Variants in LRRFIP1 observed in about 807,000 individuals in gnomAD.
LRRFIP1 encodes LRR binding FLII interacting protein 1, also known as leucine-rich repeat flightless-interacting protein 1.
A neutral mutation model predicts 104.4 loss-of-function variants in LRRFIP1; 62 were observed. The ratio of observed to expected loss-of-function variants is 0.59; its 90% CI spans 0.48 to 0.73. The LOEUF (loss-of-function observed/expected upper bound fraction) is 0.73, where lower values mean the gene tolerates loss of function less well. Among genes scored for constraint, LRRFIP1 ranks in the 30% least tolerant of loss-of-function variants. The probability of loss-of-function intolerance (pLI) is 0.00; values close to 1 mark genes in which losing one functional copy is unlikely to be tolerated. For synonymous variants in LRRFIP1, 300 were observed against 299.0 expected (o/e 1.00, Z -0.03); for missense variants, 796 against 824.5 (o/e 0.97, Z 0.42).
At position 237,649,696 on chromosome 2, in the gene LRRFIP1, G is replaced by C. The variant is rs1300139830; in HGVS notation, c.96+21956G>C. ...TTCACATGTCACATTTCTCACCGGA[G>C]TCCTCGTCCCATCGCCTCCTCTCTC... On this transcript the variant is annotated intron_variant, in intron 1 of 23. Coordinates refer to ENST00000308482, the MANE Select transcript of LRRFIP1 (RefSeq NM_001137550.2). This position sits in a 1 kb window ranked among gnomAD's most constrained non-coding sequence, Gnocchi z 4.1. 7.9e-5 allele frequency among the ~76,000 whole-genome samples: 12 copies of C among 151,980 alleles called. No individual in the cohort carries two copies. Among genetic ancestry groups the C allele is most frequent in the African/African-American group, 2.9e-4 (12 of 41,444 alleles).
intron 19 of LRRFIP1, chr2:237,769,733 C>T (rs1350409029): frequency 1.5e-5 from 8 of 550,172 alleles, no homozygotes; most frequent in African/African-American, 3.8e-5. Flanking sequence ...CTGCCCCTGA[C>T]GTGAAGCATG....
chr2:237,723,429 A>G, intron 6 of LRRFIP1, 119 bp from the exon 7 acceptor site: 1 of 984,402 alleles, frequency 1.0e-6, no homozygotes, highest in Non-Finnish European at 1.6e-6. Context: ...TTATGGAAAA[A>G]TGCATTTTTG....
chr2:237,699,412 G>A (rs2093383649), intron 1 of LRRFIP1, among the ~76,000 whole-genome samples: 2 of 150,976 alleles, frequency 1.3e-5, no homozygotes, highest in Non-Finnish European at 2.9e-5. Context: ...GAGTGCAATG[G>A]TGAGATCTCG....
chr2:237,704,961 G>A (rs1460832466), intron 1 of LRRFIP1, among the ~76,000 whole-genome samples: 1 of 152,208 alleles, frequency 6.6e-6, no homozygotes, highest in African/African-American at 2.4e-5. Flanking sequence ...TGAGGGACAG[G>A]GTAAACCTGT....
rs769305422 is a variant in LRRFIP1, at chr2:237,739,282, G to A, written c.606G>A (p.Arg202=). Residue 202 remains arginine (R), a synonymous_variant, in exon 11 of 24, where the codon AGG becomes AGA. Transcript: ENST00000308482. The stretch of plus-strand genomic sequence containing the variant: ...ACTCCAGCTCCCGCGCCTCCTCCAG[G>A]GCCAGCTCGGCCCGGGCCAGCCCTG... ...HLNSSSRASS[R]ASSARASPVV... 1 of 1,562,876 alleles carries A rather than the reference G, an allele frequency of 6.4e-7. No homozygotes were observed. The highest frequency in any genetic ancestry group is 1.9e-5 in the Admixed American group (1 of 53,546).
Position 237,691,024 on chromosome 2 carries a change from C to T in LRRFIP1, c.97-17520C>T, listed in dbSNP as rs965831064. Among the ~76,000 whole-genome samples the T allele has an allele frequency of 2.6e-5, 4 of 151,738 alleles. No individual in the cohort carries two copies. The highest frequency in any genetic ancestry group is 4.4e-5 in the Non-Finnish European group (3 of 68,028). On this transcript the variant is annotated intron_variant, in intron 1 of 23. Coordinates refer to ENST00000308482, the MANE Select transcript of LRRFIP1 (RefSeq NM_001137550.2). This position sits in a 1 kb window ranked among gnomAD's most constrained non-coding sequence, Gnocchi z 5.4. ...GCACCCATTTTCCCTGCTGCACACC[C>T]TCCTGACAACTCCTGCCCTGAAGCC...
intron 1 of LRRFIP1, among the ~76,000 whole-genome samples, chr2:237,642,166 C>T (rs1321586616): frequency 6.6e-6 from 1 of 152,200 alleles, no homozygotes; most frequent in Non-Finnish European, 1.5e-5. Flanking sequence ...GTCTATGAGG[C>T]AATGCAGACA....
At chr2:237,676,057 A>G (rs1277469662) in intron 1 of LRRFIP1, among the ~76,000 whole-genome samples, 1 of 152,344 alleles carries the variant, frequency 6.6e-6, no homozygotes, top group East Asian at 1.9e-4. Flanking sequence ...TGTAGCCATC[A>G]CCATCATCCA....
At position 237,779,755 on chromosome 2, in the gene LRRFIP1, G is replaced by A. The variant is rs576673925; in HGVS notation, c.*223G>A. The A allele has an allele frequency of 3.3e-4, 145 of 433,204 alleles. No homozygotes were observed. The highest frequency in any genetic ancestry group is 5.5e-4 in the Non-Finnish European group (129 of 233,914). 26.8% of individuals were successfully genotyped at this position (433,204 alleles called of 1,614,324 possible). On this transcript the variant is annotated 3_prime_UTR_variant, in exon 24 of 24. Coordinates refer to ENST00000308482, the MANE Select transcript of LRRFIP1 (RefSeq NM_001137550.2). ...ACCCCTGGCCCGGGCTGGCGCCGAC[G>A]CTCAGAACCTGCAGGTACTTCATAA...
chr2:237,692,453 A>T (rs761488123), intron 1 of LRRFIP1: 10 of 1,521,672 alleles, frequency 6.6e-6, no homozygotes, highest in African/African-American at 1.4e-5. Context: ...CGAGCCCGGC[A>T]GGATGACCAG....
rs55710749 is a variant in LRRFIP1, at chr2:237,696,077, T to A, written c.97-12467T>A. ...GTTTCCAGTGGTTTCTCCTTGGGAT[T>A]GTAACTTTACAACTTTAAAACTAGG... On this transcript the variant is annotated intron_variant, in intron 1 of 23. Coordinates refer to ENST00000308482, the MANE Select transcript of LRRFIP1 (RefSeq NM_001137550.2). Among the ~76,000 whole-genome samples the A allele has an allele frequency of 3.6e-3, 541 of 152,360 alleles. 1 individual carries two copies. The highest frequency in any genetic ancestry group is 6.1e-3 in the Non-Finnish European group (417 of 68,038).
At position 237,779,481 on chromosome 2, in the gene LRRFIP1, G is replaced by A; in HGVS notation, c.1872G>A (p.Lys624=). 6.2e-7 allele frequency: 1 copy of A among 1,613,852 alleles called. No individual in the cohort carries two copies. Among genetic ancestry groups the A allele is most frequent in the South Asian group, 1.1e-5 (1 of 91,086 alleles). ...ELEVSNGHLV[K]RLEKMKANRS... Reference sequence around the variant, plus strand: ...AGGTGAGCAACGGCCACTTAGTGAAGCGTCTGGAAAAAATGAAAGCAAATC... The same window carrying A: ...AGGTGAGCAACGGCCACTTAGTGAAACGTCTGGAAAAAATGAAAGCAAATC... Residue 624 remains lysine, a synonymous_variant, in exon 24 of 24, where the codon AAG becomes AAA. Transcript: ENST00000308482.
At chr2:237,760,372 C>T (rs981691979) in intron 19 of LRRFIP1, among the ~76,000 whole-genome samples, 167 bp downstream of exon 19, 10 of 152,232 alleles carry the variant, frequency 6.6e-5, no homozygotes, top group African/African-American at 1.9e-4. Flanking sequence ...GGTGTGGTCA[C>T]CCACGTGTTG....
chr2:237,641,496 C>CAAA (rs10645424), intron 1 of LRRFIP1, among the ~76,000 whole-genome samples: 18,356 of 121,564 alleles, frequency 0.15, 1,614 homozygotes, highest in East Asian at 0.4. Flanking sequence ...GACTCTGTCT[C>CAAA]AAAAAAAAAA....
intron 18 of LRRFIP1, among the ~76,000 whole-genome samples, chr2:237,759,352 G>A (rs1195385340): frequency 6.6e-6 from 1 of 152,158 alleles, no homozygotes; most frequent in Non-Finnish European, 1.5e-5. Context: ...TCTGGGTGGG[G>A]GGGTTCCTGA....
At chr2:237,739,359 C>CCTTCCCTTATCCTCCT (rs2095346691) in intron 11 of LRRFIP1, 50 bp downstream of exon 11, 2 of 1,467,138 alleles carry the variant, frequency 1.4e-6, no homozygotes, top group Non-Finnish European at 1.9e-6. Flanking sequence ...CCTCCCTCCC[C>CCTTCCCTTATCCTCCT]CTTCCCTTAT....
rs2085691408 is a variant in LRRFIP1, at chr2:237,650,192, TG to T, written c.96+22455del. Among the ~76,000 whole-genome samples the T allele has an allele frequency of 2.0e-5, 3 of 151,878 alleles. No individual in the cohort carries two copies. The South Asian group carries it at 6.2e-4, about 32-fold the overall frequency. ...CTGTGGGGTGCCAGAGGAGGGCTCCTGGGAAAGGTGATGTTCATGGCAGTGG... is the reference window on the plus strand; with the variant it reads ...CTGTGGGGTGCCAGAGGAGGGCTCCTGGAAAGGTGATGTTCATGGCAGTGG... On this transcript the variant is annotated intron_variant, in intron 1 of 23. Coordinates refer to ENST00000308482, the MANE Select transcript of LRRFIP1 (RefSeq NM_001137550.2).
chr2:237,769,567 G>A (rs186089343), intron 19 of LRRFIP1: 181 of 215,892 alleles, frequency 8.4e-4, no homozygotes, highest in Middle Eastern at 1.8e-3. Context: ...CAAAATGTTG[G>A]TGCTATTGAA....
intron 1 of LRRFIP1, among the ~76,000 whole-genome samples, chr2:237,660,471 C>G (rs1459042312): frequency 6.6e-6 from 1 of 150,666 alleles, no homozygotes; most frequent in East Asian, 1.9e-4. Context: ...CATAGGGACC[C>G]CCACAGTGCT....
Sources: gnomAD v4.1 joint callset for allele counts (sites outside exome capture counted in the v4.1 genomes callset) on GRCh38, gnomAD v4.1.1 for gene constraint, Gnocchi (gnomAD v3.1) non-coding constraint, MANE v1.5 for transcripts, NCBI Gene and HGNC (gene_info 2026-07-23, HGNC 2026-07-21) for gene names.